Variants in KIAA1958 observed in about 807,000 individuals in gnomAD.
KIAA1958 encodes KIAA1958.
KIAA1958 carries 14 observed loss-of-function variants against 47.2 expected under a neutral mutation model. That is an observed-to-expected ratio of 0.30 (90% CI 0.20 to 0.46). The LOEUF is 0.46. KIAA1958 is among the 20% of genes least tolerant of loss of function. The pLI, the probability that KIAA1958 is intolerant of heterozygous loss-of-function variation, is 1.00. For synonymous variants in KIAA1958, 354 were observed against 353.3 expected (o/e 1.00, Z -0.02); for missense variants, 803 against 909.2 (o/e 0.88, Z 1.50).
intron 1 of KIAA1958, among the ~76,000 whole-genome samples, chr9:112,507,631 T>C (rs1587993063): frequency 6.6e-6 from 1 of 152,202 alleles, no homozygotes; most frequent in Admixed American, 6.5e-5. Flanking sequence ...TTACAGGCCC[T>C]GAGCGACTCA....
In KIAA1958 at chr9:112,618,924, G is replaced by A. The variant is rs764670124; in HGVS notation, c.1172-26726G>A. ...TCCTCAGACACCGCTTGACCAGGTG[G>A]CTTGAGCAAGACTCCAGTTTGGTTA... On this transcript the variant is annotated intron_variant, in intron 2 of 3. Coordinates refer to ENST00000337530, the MANE Select transcript of KIAA1958 (RefSeq NM_133465.4). The surrounding 1 kb of genome is among the most constrained non-coding windows in gnomAD (Gnocchi z 7.1). The A allele has an allele frequency of 8.0e-5, 121 of 1,515,610 alleles. 1 individual carries two copies. In the South Asian group the frequency reaches 1.4e-3, roughly 18 times the overall value. The allele number at this position is 1,515,610 out of a possible 1,614,324, so 93.9% of individuals were successfully genotyped here. A position where few individuals can be genotyped will look rare whatever the true frequency, so the allele number is the denominator to read the frequency against.
intron 1 of KIAA1958, among the ~76,000 whole-genome samples, chr9:112,525,849 G>C (rs1256311019): frequency 6.6e-6 from 1 of 150,430 alleles, no homozygotes; most frequent in Non-Finnish European, 1.5e-5. Context: ...AGGAGGAATA[G>C]GACAAAGGGA....
chr9:112,626,280 A>G (rs1268728145), intron 2 of KIAA1958, among the ~76,000 whole-genome samples: 1 of 152,186 alleles, frequency 6.6e-6, no homozygotes, highest in Non-Finnish European at 1.5e-5. Flanking sequence ...AAATATTTAA[A>G]CGTTTCACAA....
chr9:112,511,893 C>T (rs541493489), intron 1 of KIAA1958, among the ~76,000 whole-genome samples: 1 of 152,276 alleles, frequency 6.6e-6, no homozygotes, highest in South Asian at 2.1e-4. Context: ...GACTTATGGT[C>T]AACCTTATGC....
In KIAA1958 at chr9:112,574,919, T is replaced by C. The variant is rs754063105; in HGVS notation, c.839T>C (p.Ile280Thr). 6.2e-7 allele frequency: 1 copy of C among 1,614,014 alleles called. No individual in the cohort carries two copies. The highest frequency in any genetic ancestry group is 8.5e-7 in the Non-Finnish European group (1 of 1,179,960). ...TCCCCCTCTGTGATCTCCAGACCAA[T>C]TGTCCAGAAGACTGCTAGGGTATCT... ...SASPSVISRP[I>T]VQKTARVSLA... is the part of the protein sequence containing the mutation. Residue 280 changes from isoleucine (I) to threonine (T), a missense_variant, in exon 2 of 4, where the codon ATT (isoleucine) becomes ACT (threonine). This residue lies in a region of KIAA1958 where 761 missense variants were observed against 829.3 expected (regional missense o/e 0.92). Coordinates refer to ENST00000337530, the MANE Select transcript of KIAA1958 (RefSeq NM_133465.4).
rs1429891451 is a variant in KIAA1958 at position 112,574,624 on chromosome 9, C to T, written c.544C>T (p.Leu182Phe). The T allele has an allele frequency of 8.7e-6, 14 of 1,614,176 alleles. No individual in the cohort carries two copies. The highest frequency in any genetic ancestry group is 1.2e-5 in the Non-Finnish European group (14 of 1,180,022). The change falls in exon 2 of 4, where the codon CTC (leucine) becomes TTC (phenylalanine). Residue 182 changes from leucine to phenylalanine, a missense_variant. Leu to Phe is a conservative substitution (Grantham distance 22). Coordinates refer to ENST00000337530, the MANE Select transcript of KIAA1958 (RefSeq NM_133465.4). ...RKRPGVVPSS[L>F]HSSSQTQMVD... ...AAGACCTGGGGTAGTCCCATCTTCCCTCCATTCAAGCTCCCAGACGCAGAT... is the reference window on the plus strand; with the variant it reads ...AAGACCTGGGGTAGTCCCATCTTCCTTCCATTCAAGCTCCCAGACGCAGAT...
At position 112,538,634 on chromosome 9, in the gene KIAA1958, A is replaced by G. The variant is rs7869212; in HGVS notation, c.-24-35423A>G. ...ATGTATGAACCAAATAGCATCAAGTATCATATCAGGCAAAAACATAAAACA... is the reference window on the plus strand; with the variant it reads ...ATGTATGAACCAAATAGCATCAAGTGTCATATCAGGCAAAAACATAAAACA... On this transcript the variant is annotated intron_variant, in intron 1 of 3. Transcript: ENST00000337530. 5.2e-3 allele frequency among the ~76,000 whole-genome samples: 796 copies of G among 152,322 alleles called. 10 individuals are homozygous for G. Among genetic ancestry groups the G allele is most frequent in the African/African-American group, 0.018 (756 of 41,560 alleles).
chr9:112,602,945 T>C (rs939886698), intron 2 of KIAA1958, among the ~76,000 whole-genome samples: 11 of 152,226 alleles, frequency 7.2e-5, no homozygotes, highest in African/African-American at 2.4e-4. Flanking sequence ...CATGGAGTTA[T>C]CTCCGTAACC....
At chr9:112,572,550 T>C (rs1835558158) in intron 1 of KIAA1958, among the ~76,000 whole-genome samples, 1 of 152,158 alleles carries the variant, frequency 6.6e-6, no homozygotes, top group Admixed American at 6.5e-5. Flanking sequence ...CTTGAGATGA[T>C]ACAGGCATGG....
In KIAA1958 at chr9:112,574,435, T is replaced by A; in HGVS notation, c.355T>A (p.Ser119Thr). The change falls in exon 2 of 4, where the codon TCT (serine) becomes ACT (threonine). Residue 119 changes from serine to threonine, a missense_variant. This residue lies in a region of KIAA1958 where 761 missense variants were observed against 829.3 expected (regional missense o/e 0.92). Coordinates refer to ENST00000337530, the MANE Select transcript of KIAA1958 (RefSeq NM_133465.4). ...AKLDCNRTRD[S>T]CDFSYCSEPS... ...GCTAGACTGTAACCGGACCAGAGAC[T>A]CTTGTGACTTCTCCTACTGTAGTGA... 1 of 1,614,156 alleles carries A rather than the reference T, an allele frequency of 6.2e-7. No individual in the cohort carries two copies. The highest frequency in any genetic ancestry group is 8.5e-7 in the Non-Finnish European group (1 of 1,180,014).
intron 2 of KIAA1958, among the ~76,000 whole-genome samples, chr9:112,588,074 C>A (rs1409156228): frequency 6.6e-6 from 1 of 152,208 alleles, no homozygotes; most frequent in Non-Finnish European, 1.5e-5. Context: ...TGTCCCTATT[C>A]ATTCCACTGT....
In KIAA1958 at chr9:112,645,782, G is replaced by A; in HGVS notation, c.1304G>A (p.Cys435Tyr). The A allele has an allele frequency of 6.2e-7, 1 of 1,613,980 alleles. No homozygotes were observed. The highest frequency in any genetic ancestry group is 2.2e-5 in the East Asian group (1 of 44,864). The change falls in exon 3 of 4, where the codon TGC (cysteine) becomes TAC (tyrosine). Residue 435 changes from cysteine to tyrosine, a missense_variant. Transcript: ENST00000337530. ...GCCTTGAATGTGTGGCGTTATTGGT[G>A]CATGACCAACGGGCTCAAAGACCAC... is the stretch of plus-strand genomic sequence containing the variant. ...RYALNVWRYW[C>Y]MTNGLKDHTD...
chr9:112,621,944 G>A (rs748492011), intron 2 of KIAA1958, among the ~76,000 whole-genome samples: 1 of 152,098 alleles, frequency 6.6e-6, no homozygotes, highest in Non-Finnish European at 1.5e-5. Flanking sequence ...GTCTCACTGT[G>A]TTGCCCAGGC....
chr9:112,520,135 G>A (rs894934635), intron 1 of KIAA1958, among the ~76,000 whole-genome samples: 1 of 152,146 alleles, frequency 6.6e-6, no homozygotes, highest in Non-Finnish European at 1.5e-5. Context: ...TAAGGAGATG[G>A]CAAATTAATT....
At chr9:112,508,791 G>C (rs1834275070) in intron 1 of KIAA1958, among the ~76,000 whole-genome samples, 1 of 149,486 alleles carries the variant, frequency 6.7e-6, no homozygotes, top group African/African-American at 2.4e-5. Flanking sequence ...CCATAAAGCT[G>C]ATTGTGTAAT....
chr9:112,656,453 A>G (rs1413033624), intron 3 of KIAA1958, among the ~76,000 whole-genome samples: 2 of 151,388 alleles, frequency 1.3e-5, no homozygotes, highest in Non-Finnish European at 2.9e-5. Flanking sequence ...GAGAGGTACC[A>G]TATGAACTGG....
intron 2 of KIAA1958, among the ~76,000 whole-genome samples, chr9:112,632,530 G>T (rs748576736): frequency 7.9e-5 from 12 of 152,052 alleles, no homozygotes; most frequent in Non-Finnish European, 1.6e-4. Context: ...CCAACATTTA[G>T]ATATGGACCT....
At chr9:112,546,913 A>G (rs971906612) in intron 1 of KIAA1958, among the ~76,000 whole-genome samples, 1 of 151,906 alleles carries the variant, frequency 6.6e-6, no homozygotes, top group Non-Finnish European at 1.5e-5. Flanking sequence ...GAGCTTTCCT[A>G]CCAGAGTTGT....
At chr9:112,600,452 A>G (rs777717303) in intron 2 of KIAA1958, among the ~76,000 whole-genome samples, 15 of 152,188 alleles carry the variant, frequency 9.9e-5, no homozygotes, top group Non-Finnish European at 2.1e-4. Context: ...AAAAAGTAGC[A>G]TTCTTAAAGG....
Sources: allele counts gnomAD v4.1 joint callset (sites outside exome capture counted in the v4.1 genomes callset), GRCh38; gene constraint gnomAD v4.1.1; regional missense constraint gnomAD v4.1.1; non-coding constraint Gnocchi (gnomAD v3.1); transcripts MANE v1.5; gene names NCBI Gene and HGNC (gene_info 2026-07-23, HGNC 2026-07-21).